SLC3A2: variants seen among roughly 807,000 people sequenced by gnomAD.
The protein encoded by SLC3A2 is solute carrier family 3 member 2, also known as amino acid transporter heavy chain SLC3A2.
SLC3A2 carries 32 observed loss-of-function variants against 48.5 expected under a neutral mutation model. The ratio of observed to expected loss-of-function variants is 0.66; its 90% CI spans 0.50 to 0.89. SLC3A2 has a LOEUF of 0.89. SLC3A2 is among the 40% of genes least tolerant of loss of function. SLC3A2 has a pLI of 0.00. For missense variants in SLC3A2, 587 were observed against 680.7 expected, an observed-to-expected ratio of 0.86 and a Z score of 1.53; for synonymous variants, 277 against 288.8, an observed-to-expected ratio of 0.96 and a Z score of 0.41.
chr11:62,884,068 G>T (rs912065977), intron 3 of SLC3A2: 2 of 462,718 alleles, frequency 4.3e-6, no homozygotes, highest in Non-Finnish European at 8.6e-6. Flanking sequence ...GACTGTGGAC[G>T]CGTCTCCCTG....
chr11:62,863,071 C>T (rs1304721609), intron 1 of SLC3A2, among the ~76,000 whole-genome samples: 3 of 152,024 alleles, frequency 2.0e-5, no homozygotes, highest in African/African-American at 7.3e-5. Context: ...ACAGGCGCTG[C>T]AACCACTCCC....
chr11:62,875,995 A>G (rs914024297), upstream of SLC3A2, among the ~76,000 whole-genome samples: 1 of 152,086 alleles, frequency 6.6e-6, no homozygotes, highest in African/African-American at 2.4e-5. Context: ...CCTCCTTAGT[A>G]ACTGGGACCA....
In SLC3A2 at chr11:62,881,823, G is replaced by C; in HGVS notation, c.425-70G>C. On this transcript the variant is annotated intron_variant, in intron 1 of 8. Coordinates refer to ENST00000338663, the MANE Select transcript of SLC3A2 (RefSeq NM_001013251.3). This position sits in a 1 kb window ranked among gnomAD's most constrained non-coding sequence, Gnocchi z 4.0. ...TCCCCGTCCCACCCTTAGGCGCTGG[G>C]AGAAGGGAGGGTGGGGAGGTCAGGG... The C allele has an allele frequency of 6.4e-7, 1 of 1,558,094 alleles. No homozygotes were observed. Among genetic ancestry groups the C allele is most frequent in the Non-Finnish European group, 8.7e-7 (1 of 1,143,144 alleles).
chr11:62,877,398 T>C (rs2085581812), upstream of SLC3A2, among the ~76,000 whole-genome samples: 1 of 152,168 alleles, frequency 6.6e-6, no homozygotes, highest in Non-Finnish European at 1.5e-5. Flanking sequence ...TGGTTTTGAT[T>C]GACATAGTTC....
At chr11:62,876,885 C>A, upstream of SLC3A2, 2 of 1,030,778 alleles carry the variant, frequency 1.9e-6, no homozygotes, top group Admixed American at 5.5e-5. Flanking sequence ...TACAGGTGAG[C>A]CACAGTGCCT....
chr11:62,875,773 G>T (rs2085564919), intron 1 of SLC3A2, among the ~76,000 whole-genome samples: 1 of 152,032 alleles, frequency 6.6e-6, no homozygotes, highest in African/African-American at 2.4e-5. Flanking sequence ...CACCACGTTG[G>T]CCAGGCTGGT....
At chr11:62,872,438 T>C (rs1351912703) in intron 1 of SLC3A2, among the ~76,000 whole-genome samples, 1 of 152,088 alleles carries the variant, frequency 6.6e-6, no homozygotes, top group Non-Finnish European at 1.5e-5. Context: ...TTGCTTAAGC[T>C]GAGGAAGTCA....
At position 62,881,856 on chromosome 11, in the gene SLC3A2, A is replaced by G. The variant is rs771854350; in HGVS notation, c.425-37A>G. The G allele has an allele frequency of 6.2e-7, 1 of 1,604,450 alleles. No individual in the cohort carries two copies. Among genetic ancestry groups the G allele is most frequent in the Non-Finnish European group, 8.5e-7 (1 of 1,173,452 alleles). On this transcript the variant is annotated intron_variant, in intron 1 of 8. Coordinates refer to ENST00000338663, the MANE Select transcript of SLC3A2 (RefSeq NM_001013251.3). This position sits in a 1 kb window ranked among gnomAD's most constrained non-coding sequence, Gnocchi z 4.0. Reference sequence around the variant, plus strand: ...AGGGTGGGGAGGTCAGGGGCCTCTCAGAGGGGCCTCACTTGTTAACCCAGC... The same window carrying G: ...AGGGTGGGGAGGTCAGGGGCCTCTCGGAGGGGCCTCACTTGTTAACCCAGC...
intron 7 of SLC3A2, 74 bp downstream of exon 7, chr11:62,885,682 A>G: frequency 1.3e-6 from 2 of 1,543,504 alleles, no homozygotes; most frequent in Non-Finnish European, 1.8e-6. Context: ...GGATGGCGGC[A>G]CATAGACGTG....
intron 1 of SLC3A2, among the ~76,000 whole-genome samples, chr11:62,867,059 C>T (rs1488801795): frequency 1.3e-5 from 2 of 151,644 alleles, no homozygotes; most frequent in African/African-American, 4.8e-5. Flanking sequence ...GGACTGATCT[C>T]GGCTCGCCGC....
At position 62,888,850 on chromosome 11, in the gene SLC3A2, T is replaced by G. The variant is rs867417209; in HGVS notation, c.*157T>G. The G allele has an allele frequency of 7.3e-6, 5 of 688,866 alleles. No homozygotes were observed. The African/African-American group carries it at 9.0e-5, about 12-fold the overall frequency. 42.7% of individuals were successfully genotyped at this position (688,866 alleles called of 1,614,324 possible). Reference sequence around the variant, plus strand: ...TCTGCCTTCAAATAAAAGTCACCCCTGCATGGTGAAGTCTTCCCTCTGCTT... The same window carrying G: ...TCTGCCTTCAAATAAAAGTCACCCCGGCATGGTGAAGTCTTCCCTCTGCTT... On this transcript the variant is annotated 3_prime_UTR_variant, in exon 9 of 9. Coordinates refer to ENST00000338663, the MANE Select transcript of SLC3A2 (RefSeq NM_001013251.3).
chr11:62,857,561 A>C (rs914516798), intron 1 of SLC3A2, among the ~76,000 whole-genome samples: 6 of 151,948 alleles, frequency 3.9e-5, no homozygotes, highest in African/African-American at 1.5e-4. Context: ...GCGGTGGTGC[A>C]TGCCTGTAGC....
intron 1 of SLC3A2, among the ~76,000 whole-genome samples, chr11:62,858,173 GT>G (rs751705141): frequency 5.9e-5 from 9 of 152,168 alleles, no homozygotes; most frequent in Non-Finnish European, 1.3e-4. Flanking sequence ...ATGCTAACAA[GT>G]ATAATGGCAG....
At chr11:62,871,558 T>A (rs1303911424) in intron 1 of SLC3A2, 1 of 626,302 alleles carries the variant, frequency 1.6e-6, no homozygotes, top group African/African-American at 1.9e-5. Context: ...TATAATATTA[T>A]TATTATTATT....
exon 1 of SLC3A2, chr11:62,856,345 G>A: frequency 6.2e-7 from 1 of 1,613,140 alleles, no homozygotes; most frequent in Non-Finnish European, 8.5e-7. Context: ...ACATTCGGAG[G>A]CTGGTGTCCA....
At chr11:62,874,245 T>G (rs1429134154) in intron 1 of SLC3A2, among the ~76,000 whole-genome samples, 4 of 152,086 alleles carry the variant, frequency 2.6e-5, no homozygotes, top group African/African-American at 9.7e-5. Context: ...TTATTGCTAC[T>G]TATCTTTTTT....
intron 1 of SLC3A2, among the ~76,000 whole-genome samples, chr11:62,863,245 G>A (rs2085420762): frequency 6.6e-6 from 1 of 152,008 alleles, no homozygotes; most frequent in Admixed American, 6.6e-5. Context: ...TTTTGAACCA[G>A]GATCTCACTC....
intron 1 of SLC3A2, among the ~76,000 whole-genome samples, chr11:62,861,079 C>G (rs2085393208): frequency 6.6e-6 from 1 of 152,090 alleles, no homozygotes; most frequent in African/African-American, 2.4e-5. Context: ...TTCTTTCCCC[C>G]ACATAATCCC....
At chr11:62,871,029 C>T (rs1372031344) in intron 1 of SLC3A2, among the ~76,000 whole-genome samples, 5 of 150,574 alleles carry the variant, frequency 3.3e-5, no homozygotes, top group African/African-American at 7.3e-5. Context: ...GGACTACAGG[C>T]GCCCGCCACC....
Sources: allele counts gnomAD v4.1 joint callset (sites outside exome capture counted in the v4.1 genomes callset), GRCh38; gene constraint gnomAD v4.1.1; non-coding constraint Gnocchi (gnomAD v3.1); transcripts MANE v1.5; gene names NCBI Gene and HGNC (gene_info 2026-07-23, HGNC 2026-07-21).